ITPKB: variants seen among roughly 807,000 people sequenced by gnomAD.
ITPKB encodes the protein inositol-trisphosphate 3-kinase B, also known as IP3 3-kinase B.
A neutral mutation model predicts 69.4 loss-of-function variants in ITPKB; 13 were observed. That is an observed-to-expected ratio of 0.19 (90% CI 0.12 to 0.30). ITPKB has a LOEUF of 0.30. Among genes scored for constraint, ITPKB ranks in the 10% least tolerant of loss-of-function variants. The probability of loss-of-function intolerance (pLI) is 1.00; values close to 1 mark genes in which losing one functional copy is unlikely to be tolerated. For synonymous variants in ITPKB, 584 were observed against 513.7 expected, an observed-to-expected ratio of 1.14 and a Z score of -1.85; for missense variants, 1,240 against 1,250.5, an observed-to-expected ratio of 0.99 and a Z score of 0.13.
At chr1:226,683,640 C>T (rs974446080) in intron 2 of ITPKB, among the ~76,000 whole-genome samples, 7 of 152,170 alleles carry the variant, frequency 4.6e-5, no homozygotes, top group African/African-American at 1.7e-4. Context: ...TGTAGACATG[C>T]AACTAATCTA....
Position 226,737,267 on chromosome 1 carries a change from C to T in ITPKB, c.192G>A (p.Leu64=), listed in dbSNP as rs1657817406. The change falls in exon 2 of 8, where the codon CTG becomes CTA. Residue 64 remains leucine (L), a synonymous_variant. Transcript: ENST00000429204. The part of the protein sequence containing the change: ...ASFLFPPAES[L]SPEEPRSPGG... ...CGGGGCTCCGGGGCTCCTCGGGGGACAGCGACTCGGCTGGGGGGAAGAGGA... is the reference window on the plus strand; with the variant it reads ...CGGGGCTCCGGGGCTCCTCGGGGGATAGCGACTCGGCTGGGGGGAAGAGGA... 6.4e-7 allele frequency: 1 copy of T among 1,552,856 alleles called. No individual in the cohort carries two copies. The highest frequency in any genetic ancestry group is 1.9e-5 in the Admixed American group (1 of 51,946).
chr1:226,636,390 G>T (rs540189583), intron 7 of ITPKB, among the ~76,000 whole-genome samples: 1 of 152,236 alleles, frequency 6.6e-6, no homozygotes, highest in Non-Finnish European at 1.5e-5. Flanking sequence ...CTCCTCTCTG[G>T]GTGTGCCACC....
intron 6 of ITPKB, among the ~76,000 whole-genome samples, chr1:226,638,947 G>A (rs958002769): frequency 3.3e-5 from 5 of 151,644 alleles, no homozygotes; most frequent in African/African-American, 7.3e-5. Context: ...CCGCCTACCC[G>A]CCGCACGCCA....
chr1:226,664,514 G>A (rs1669461293), intron 2 of ITPKB, among the ~76,000 whole-genome samples: 1 of 152,244 alleles, frequency 6.6e-6, no homozygotes, highest in African/African-American at 2.4e-5. Context: ...AAGGACTCCA[G>A]ACTCTCACAA....
chr1:226,736,346 C>T lies in ITPKB; in HGVS notation c.1113G>A (p.Lys371=), dbSNP rs767762117. The T allele has an allele frequency of 5.0e-5, 80 of 1,612,396 alleles. No homozygotes were observed. The highest frequency in any genetic ancestry group is 1.8e-4 in the Admixed American group (11 of 59,848). ...CACAGGGCAGATATCCTTTCCCCAT[C>T]TTCCCAGGGGGTTCTCCATCGCGGG... ...GGPRDGEPPG[K]MGKGYLPCGM... Residue 371 remains lysine (K), a synonymous_variant, in exon 2 of 8, where the codon AAG becomes AAA. Transcript: ENST00000429204.
intron 2 of ITPKB, among the ~76,000 whole-genome samples, chr1:226,683,347 TA>T (rs1558084553): frequency 1.3e-5 from 2 of 152,346 alleles, no homozygotes; most frequent in East Asian, 3.9e-4. Context: ...TCTCATCCAT[TA>T]TTTCTTATGA....
intron 2 of ITPKB, among the ~76,000 whole-genome samples, chr1:226,678,648 T>G (rs146740512): frequency 9.8e-5 from 15 of 152,344 alleles, no homozygotes; most frequent in African/African-American, 3.4e-4. Flanking sequence ...AAACACTACC[T>G]AAGTGTTCAT....
intron 2 of ITPKB, among the ~76,000 whole-genome samples, chr1:226,695,637 A>C (rs1247363798): frequency 6.6e-6 from 1 of 152,112 alleles, no homozygotes; most frequent in Non-Finnish European, 1.5e-5. Context: ...CGCAGACCTG[A>C]CACTACCTGT....
chr1:226,699,842 G>A (rs1038621877), intron 2 of ITPKB, among the ~76,000 whole-genome samples: 2 of 152,006 alleles, frequency 1.3e-5, no homozygotes, highest in Non-Finnish European at 2.9e-5. Context: ...TATATAAAGG[G>A]GAGTTTATTA....
At chr1:226,665,584 G>C (rs891753549) in intron 2 of ITPKB, among the ~76,000 whole-genome samples, 7 of 152,188 alleles carry the variant, frequency 4.6e-5, no homozygotes, top group Admixed American at 1.3e-4. Context: ...GATGAGTAGC[G>C]GAGGAAACGA....
chr1:226,696,318 CGT>C (rs58448161), intron 2 of ITPKB, among the ~76,000 whole-genome samples: 194 of 149,716 alleles, frequency 1.3e-3, no homozygotes, highest in South Asian at 7.2e-3. Flanking sequence ...TATAGATCTA[CGT>C]GTGTGTGTGT....
At chr1:226,676,966 C>A (rs983350226) in intron 2 of ITPKB, among the ~76,000 whole-genome samples, 2 of 152,146 alleles carry the variant, frequency 1.3e-5, no homozygotes, top group South Asian at 2.1e-4. Context: ...TCTCTTTGTA[C>A]CCTCCACACC....
In ITPKB at chr1:226,739,050, C is replaced by G. The variant is rs1210297650; in HGVS notation, c.-215G>C. 6.6e-6 allele frequency: 1 copy of G among 152,260 alleles called. No individual in the cohort carries two copies. The highest frequency in any genetic ancestry group is 2.4e-5 in the African/African-American group (1 of 41,450). 9.4% of individuals were successfully genotyped at this position (152,260 alleles called of 1,614,324 possible). On this transcript the variant is annotated 5_prime_UTR_variant, in exon 1 of 8. Coordinates refer to ENST00000429204, the MANE Select transcript of ITPKB (RefSeq NM_002221.4). ...AGGCCGCCAAACTTACCTGCAGTTTCTCAGATTCTCAGGTCCTGTGTAGAC... is the reference window on the plus strand; with the variant it reads ...AGGCCGCCAAACTTACCTGCAGTTTGTCAGATTCTCAGGTCCTGTGTAGAC...
chr1:226,695,132 A>C (rs1053280873), intron 2 of ITPKB, among the ~76,000 whole-genome samples: 3 of 152,192 alleles, frequency 2.0e-5, no homozygotes, highest in African/African-American at 7.2e-5. Flanking sequence ...CAGAAGGCTG[A>C]GGCAAGAGAA....
intron 6 of ITPKB, among the ~76,000 whole-genome samples, chr1:226,638,944 C>T (rs1388569902): frequency 3.9e-5 from 6 of 151,938 alleles, no homozygotes; most frequent in Non-Finnish European, 8.8e-5. Context: ...TCCCCGCCTA[C>T]CCGCCGCACG....
rs1369724100 is a variant in ITPKB at position 226,639,675 on chromosome 1, C to T, written c.2452-17G>A. 6.3e-7 allele frequency: 1 copy of T among 1,575,418 alleles called. No individual in the cohort carries two copies. On this transcript the variant is annotated splice_polypyrimidine_tract_variant and intron_variant, in intron 5 of 7. Coordinates refer to ENST00000429204, the MANE Select transcript of ITPKB (RefSeq NM_002221.4). ...GTCTTCTTTCTGAGAAAGAGAACACCCCACCCAGGAGGGGGTCAGCAGGGA... is the reference window on the plus strand; with the variant it reads ...GTCTTCTTTCTGAGAAAGAGAACACTCCACCCAGGAGGGGGTCAGCAGGGA...
Position 226,733,224 on chromosome 1 carries a change from C to T in ITPKB, c.1932+2303G>A, listed in dbSNP as rs190047281. On this transcript the variant is annotated intron_variant, in intron 2 of 7. Transcript: ENST00000429204. ...CAAGCATGAGAGTGTGCAGCTATAG[C>T]GTTGTGCAGTAGCTGGACAGACACA... Among the ~76,000 whole-genome samples the T allele has an allele frequency of 7.7e-4, 117 of 152,192 alleles. 7 individuals carry two copies. The highest frequency in any genetic ancestry group is 7.4e-5 in the Non-Finnish European group (5 of 68,010).
intron 2 of ITPKB, among the ~76,000 whole-genome samples, chr1:226,684,906 G>A (rs911552035): frequency 3.9e-5 from 6 of 152,124 alleles, no homozygotes; most frequent in Non-Finnish European, 5.9e-5. Flanking sequence ...TGCCTCCAGC[G>A]CTCCACCGTT....
chr1:226,726,720 G>A (rs753744363), intron 2 of ITPKB, among the ~76,000 whole-genome samples: 6 of 151,756 alleles, frequency 4.0e-5, no homozygotes, highest in Admixed American at 1.3e-4. Context: ...AGCGTTCAGC[G>A]GCCGCATATA....
Sources: allele counts gnomAD v4.1 joint callset (sites outside exome capture counted in the v4.1 genomes callset), GRCh38; gene constraint gnomAD v4.1.1; transcripts MANE v1.5; gene names NCBI Gene and HGNC (gene_info 2026-07-23, HGNC 2026-07-21).